Variants in MMS22L observed in about 807,000 individuals in gnomAD.
MMS22L encodes the protein protein MMS22-like.
Under a neutral mutation model 159.1 loss-of-function variants are expected in MMS22L, and 74 were observed. That is an observed-to-expected ratio of 0.47 (90% confidence interval 0.39 to 0.56). The LOEUF is 0.56. Among genes scored for constraint, MMS22L ranks in the 20% least tolerant of loss-of-function variants. MMS22L has a pLI of 0.00. For synonymous variants in MMS22L, 517 were observed against 506.9 expected (o/e 1.02, Z -0.27); for missense variants, 1,351 against 1,422.1 (o/e 0.95, Z 0.80).
chr6:97,152,709 G>A (rs374625278), intron 22 of MMS22L, among the ~76,000 whole-genome samples: 7 of 151,704 alleles, frequency 4.6e-5, no homozygotes, highest in African/African-American at 2.4e-5. Context: ...CGTGGCTAAG[G>A]AACACACAGC....
upstream of MMS22L, chr6:97,283,501 A>G (rs1816960398): frequency 1.3e-5 from 2 of 152,108 alleles, no homozygotes; most frequent in South Asian, 2.1e-4. Flanking sequence ...GTGCGAAGTG[A>G]GTGCCTCGTT....
At chr6:97,184,430 CCT>C (rs1195133459) in intron 15 of MMS22L, among the ~76,000 whole-genome samples, 1 of 152,036 alleles carries the variant, frequency 6.6e-6, no homozygotes, top group African/African-American at 2.4e-5. Flanking sequence ...TGGACCTCTT[CCT>C]GAACTCTAGG....
chr6:97,230,087 T>A (rs1427434561), intron 13 of MMS22L, among the ~76,000 whole-genome samples: 1 of 151,982 alleles, frequency 6.6e-6, no homozygotes, highest in Non-Finnish European at 1.5e-5. Context: ...AATTAAGTTG[T>A]TGTTGGTTTT....
intron 15 of MMS22L, among the ~76,000 whole-genome samples, 198 bp downstream of exon 15, chr6:97,186,299 C>T (rs1019430092): frequency 3.9e-5 from 6 of 152,004 alleles, no homozygotes; most frequent in African/African-American, 1.4e-4. Flanking sequence ...AGAAAATTAT[C>T]TTATTTTTAG....
At chr6:97,192,096 C>T (rs1805928864) in intron 14 of MMS22L, among the ~76,000 whole-genome samples, 1 of 151,986 alleles carries the variant, frequency 6.6e-6, no homozygotes. Context: ...TGCAATGCCT[C>T]CATGTAACAG....
At chr6:97,194,573 T>C (rs1806274786) in intron 14 of MMS22L, among the ~76,000 whole-genome samples, 1 of 152,232 alleles carries the variant, frequency 6.6e-6, no homozygotes, top group South Asian at 2.1e-4. Flanking sequence ...ATTTATTGAA[T>C]AGGCCTTATT....
intron 19 of MMS22L, 94 bp downstream of exon 19, chr6:97,172,969 G>T: frequency 8.7e-7 from 1 of 1,151,348 alleles, no homozygotes. Flanking sequence ...TTGTATGGAG[G>T]GTAGTGATTT....
Position 97,142,769 on chromosome 6 carries a change from C to T in MMS22L, c.*4037G>A, listed in dbSNP as rs961651181. On this transcript the variant is annotated 3_prime_UTR_variant, in exon 25 of 25. Transcript: ENST00000683635. Reference sequence around the variant, plus strand: ...ATACAATTTTTAACTGTCAAAGATTCTGTGAAAGTACACAGAAGCAGGTCC... The same window carrying T: ...ATACAATTTTTAACTGTCAAAGATTTTGTGAAAGTACACAGAAGCAGGTCC... 14 of 152,082 alleles carry T rather than the reference C, an allele frequency of 9.2e-5. No individual in the cohort carries two copies. The East Asian group carries it at 2.7e-3, about 29-fold the overall frequency. 9.4% of individuals were successfully genotyped at this position (152,082 alleles called of 1,614,324 possible). A position where few individuals can be genotyped will look rare whatever the true frequency, so the allele number is the denominator to read the frequency against.
At chr6:97,236,323 CAAAAAAAAA>C (rs58792910) in intron 11 of MMS22L, among the ~76,000 whole-genome samples, 1 of 94,614 alleles carries the variant, frequency 1.1e-5, no homozygotes, top group Non-Finnish European at 2.2e-5. Flanking sequence ...ACTCTTTCTC[CAAAAAAAAA>C]AAAAAAAAAA....
intron 11 of MMS22L, among the ~76,000 whole-genome samples, chr6:97,234,270 C>T (rs949941539): frequency 1.3e-5 from 2 of 151,934 alleles, no homozygotes; most frequent in Admixed American, 6.6e-5. Context: ...ACTGGAAACC[C>T]AGAAACCAGA....
At chr6:97,243,889 G>C (rs541403211) in intron 11 of MMS22L, among the ~76,000 whole-genome samples, 3,531 of 152,188 alleles carry the variant, frequency 0.023, 57 homozygotes, top group Non-Finnish European at 0.037. Flanking sequence ...GGGGTGGGGG[G>C]TGTCTGCAAA....
At chr6:97,271,146 CAA>C (rs1381911467) in intron 6 of MMS22L, 1 of 151,952 alleles carries the variant, frequency 6.6e-6, no homozygotes, top group Non-Finnish European at 1.5e-5. Flanking sequence ...ACTGTTATAA[CAA>C]ATATATAAAG....
intron 20 of MMS22L, 25 bp downstream of exon 20, chr6:97,168,046 T>A: frequency 6.5e-7 from 1 of 1,544,420 alleles, no homozygotes; most frequent in Non-Finnish European, 8.7e-7. Context: ...TTTTTTAAAC[T>A]TTTAAGCAAC....
intron 14 of MMS22L, among the ~76,000 whole-genome samples, chr6:97,215,237 G>A (rs972097763): frequency 2.0e-5 from 3 of 151,858 alleles, no homozygotes; most frequent in Non-Finnish European, 4.4e-5. Context: ...ACTGCCAGTA[G>A]GAGGCAGCAA....
intron 9 of MMS22L, among the ~76,000 whole-genome samples, chr6:97,255,470 T>TA (rs763180141): frequency 7.2e-5 from 11 of 152,104 alleles, no homozygotes; most frequent in Non-Finnish European, 1.5e-4. Context: ...TTCATTGTTT[T>TA]AAATTCATAA....
intron 22 of MMS22L, among the ~76,000 whole-genome samples, chr6:97,160,688 TC>T (rs2128241359): frequency 6.6e-6 from 1 of 152,194 alleles, no homozygotes; most frequent in African/African-American, 2.4e-5. Context: ...TATTTTATTT[TC>T]AATTTTTTTG....
intron 16 of MMS22L, among the ~76,000 whole-genome samples, chr6:97,180,057 A>C (rs767630081): frequency 1.8e-4 from 27 of 152,180 alleles, no homozygotes; most frequent in Non-Finnish European, 3.2e-4. Flanking sequence ...GATTTAAAAA[A>C]TAATTATTTA....
chr6:97,154,383 A>AT (rs767816120), intron 22 of MMS22L, among the ~76,000 whole-genome samples: 2 of 152,048 alleles, frequency 1.3e-5, no homozygotes, highest in Non-Finnish European at 2.9e-5. Context: ...ATTTACAAGT[A>AT]TTTTTTCCCA....
intron 11 of MMS22L, among the ~76,000 whole-genome samples, chr6:97,237,729 TA>T (rs200524411): frequency 0.022 from 3,389 of 152,286 alleles, 60 homozygotes; most frequent in Non-Finnish European, 0.035. Flanking sequence ...GCTTCTCTAA[TA>T]AACAATTAAG....
Sources: allele counts gnomAD v4.1 joint callset (sites outside exome capture counted in the v4.1 genomes callset), GRCh38; gene constraint gnomAD v4.1.1; transcripts MANE v1.5; gene names NCBI Gene and HGNC (gene_info 2026-07-23, HGNC 2026-07-21).